ACCSL: variants seen among roughly 807,000 people sequenced by gnomAD.
ACCSL encodes the protein probable inactive 1-aminocyclopropane-1-carboxylate synthase-like protein 2.
Under a neutral mutation model 61.7 loss-of-function variants are expected in ACCSL, and 55 were observed. The ratio of observed to expected loss-of-function variants is 0.89; its 90% CI spans 0.72 to 1.12. The LOEUF (loss-of-function observed/expected upper bound fraction) is 1.12. Ranked by LOEUF, ACCSL falls within the 50% of genes most tolerant of loss-of-function variation. The pLI, the probability that ACCSL is intolerant of heterozygous loss-of-function variation, is 0.00. For missense variants in ACCSL, 632 were observed against 698.0 expected, an observed-to-expected ratio of 0.91 and a Z score of 1.07; for synonymous variants, 258 against 264.3, an observed-to-expected ratio of 0.98 and a Z score of 0.23.
the ACCSL span, chr11:43,943,278 C>T: frequency 1.3e-6 from 2 of 1,483,178 alleles, no homozygotes; most frequent in Admixed American, 2.6e-5. This position sits in a 1 kb window ranked among gnomAD's most constrained non-coding sequence, Gnocchi z 4.8. Context: ...CTGTAAGGGG[C>T]GCCGCCCGCG....
the ACCSL span, among the ~76,000 whole-genome samples, chr11:43,958,197 C>G: frequency 3.3e-5 from 5 of 152,190 alleles, no homozygotes; most frequent in Non-Finnish European, 4.4e-5. Flanking sequence ...TTCAGGAGGT[C>G]ATAAGATTTG....
chr11:44,049,632 C>T (rs915232689), intron 1 of ACCSL, among the ~76,000 whole-genome samples: 4 of 151,994 alleles, frequency 2.6e-5, no homozygotes, highest in African/African-American at 9.7e-5. Context: ...AGGTAGGTGC[C>T]AGATGGGGCC....
At chr11:43,932,876 A>AC in the ACCSL span, among the ~76,000 whole-genome samples, 1 of 152,034 alleles carries the variant, frequency 6.6e-6, no homozygotes, top group East Asian at 1.9e-4. Flanking sequence ...CTCAATAGCC[A>AC]CCCCCTTTGT....
chr11:43,943,035 G>T, the ACCSL span: 1 of 1,500,186 alleles, frequency 6.7e-7, no homozygotes, highest in African/African-American at 1.4e-5. The surrounding 1 kb of genome is among the most constrained non-coding windows in gnomAD (Gnocchi z 4.8). Context: ...GGCCGGGGCC[G>T]GCTGCGGCGG....
At chr11:44,022,613 T>C in the ACCSL span, among the ~76,000 whole-genome samples, 1 of 152,194 alleles carries the variant, frequency 6.6e-6, no homozygotes, top group Admixed American at 6.5e-5. Flanking sequence ...TATTTCCTTT[T>C]CTTGTCTGAT....
the ACCSL span, among the ~76,000 whole-genome samples, chr11:43,926,758 G>A: frequency 4.6e-5 from 7 of 152,348 alleles, no homozygotes; most frequent in African/African-American, 1.4e-4. Flanking sequence ...TGGTGTGTGT[G>A]TGTTTGTGTA....
chr11:43,949,076 G>T, the ACCSL span, among the ~76,000 whole-genome samples: 1 of 152,182 alleles, frequency 6.6e-6, no homozygotes, highest in Non-Finnish European at 1.5e-5. Context: ...TTTGCATAGT[G>T]GCCTGCAGGC....
At chr11:43,935,473 T>A in the ACCSL span, among the ~76,000 whole-genome samples, 1 of 152,162 alleles carries the variant, frequency 6.6e-6, no homozygotes, top group African/African-American at 2.4e-5. Context: ...CAGCACTTAG[T>A]GTAGCCCTGA....
the ACCSL span, among the ~76,000 whole-genome samples, chr11:43,979,846 CAAAAAAA>C: frequency 5.9e-5 from 3 of 50,852 alleles, no homozygotes; most frequent in South Asian, 1.4e-3. Context: ...GACTCTGTCT[CAAAAAAA>C]AAAAAAAAAA....
At chr11:43,934,972 C>T in the ACCSL span, among the ~76,000 whole-genome samples, 10 of 152,192 alleles carry the variant, frequency 6.6e-5, no homozygotes, top group East Asian at 1.7e-3. Flanking sequence ...TGCACAAGGC[C>T]CTCCCCTCTC....
At chr11:44,033,714 T>C in the ACCSL span, among the ~76,000 whole-genome samples, 1 of 152,028 alleles carries the variant, frequency 6.6e-6, no homozygotes, top group Non-Finnish European at 1.5e-5. Flanking sequence ...GAGAAATGGG[T>C]CACTGGAACA....
At position 44,050,599 on chromosome 11, in the gene ACCSL, C is replaced by A. The variant is rs773702479; in HGVS notation, c.612C>A (p.Tyr204Ter). Reference protein sequence around the residue: ...MNCIEDTLLQYPDWRGQPFLR... With the variant: ...MNCIEDTLLQ ...GCATTGAGGACACCTTGCTTCAGTA[C>A]CCTGATTGGAGAGGGCAGCCATTGT... Residue 204 changes from tyrosine (Y) to a stop codon, truncating the protein, a stop_gained, in exon 3 of 14, where the codon TAC becomes TAA. Transcript: ENST00000378832. LOFTEE classifies it high-confidence loss of function. 1 of 1,614,072 alleles carries A rather than the reference C, an allele frequency of 6.2e-7. No individual in the cohort carries two copies. Among genetic ancestry groups the A allele is most frequent in the Non-Finnish European group, 8.5e-7 (1 of 1,180,002 alleles).
At chr11:44,053,655 A>C in intron 8 of ACCSL, 149 bp downstream of exon 8, 1 of 676,366 alleles carries the variant, frequency 1.5e-6, no homozygotes, top group Non-Finnish European at 2.5e-6. Context: ...TGAGGTCAGG[A>C]GTTCGAGACC....
the ACCSL span, among the ~76,000 whole-genome samples, chr11:43,956,829 G>A: frequency 6.6e-6 from 1 of 152,134 alleles, no homozygotes; most frequent in Non-Finnish European, 1.5e-5. Context: ...TGGGAAAAAT[G>A]CGAGTCACAG....
At chr11:44,020,057 A>G in the ACCSL span, among the ~76,000 whole-genome samples, 10 of 152,346 alleles carry the variant, frequency 6.6e-5, no homozygotes, top group South Asian at 1.9e-3. Flanking sequence ...AAATCAATTG[A>G]CCATAAATGT....
At chr11:43,940,388 C>A in the ACCSL span, among the ~76,000 whole-genome samples, 2 of 149,960 alleles carry the variant, frequency 1.3e-5, no homozygotes, top group Admixed American at 6.7e-5. Flanking sequence ...CGGAGTCTTG[C>A]TCCATTGCCC....
chr11:44,000,566 CAAAT>C, the ACCSL span, among the ~76,000 whole-genome samples: 34,940 of 109,430 alleles, frequency 0.32, 4,498 homozygotes, highest in East Asian at 0.4. Flanking sequence ...GTAAAACAAA[CAAAT>C]AAATAAATAA....
In ACCSL at chr11:44,048,305, T is replaced by C. The variant is rs1590427539; in HGVS notation, c.269T>C (p.Leu90Pro). 4 of 1,614,080 alleles carry C rather than the reference T, an allele frequency of 2.5e-6. No individual in the cohort carries two copies. The highest frequency in any genetic ancestry group is 1.1e-5 in the South Asian group (1 of 91,076). Residue 90 changes from leucine to proline, a missense_variant, in exon 1 of 14, where the codon CTG (leucine) becomes CCG (proline). Leu to Pro is a moderately conservative substitution (Grantham distance 98). Transcript: ENST00000378832. ...NLLQSGAASG[L>P]ELQVPLPSED... ...CTACAGTCTGGGGCCGCGAGTGGCCTGGAGCTCCAAGTGCCTCTTCCTTCT... is the reference window on the plus strand; with the variant it reads ...CTACAGTCTGGGGCCGCGAGTGGCCCGGAGCTCCAAGTGCCTCTTCCTTCT...
the ACCSL span, among the ~76,000 whole-genome samples, chr11:43,996,498 G>A: frequency 6.6e-6 from 1 of 152,150 alleles, no homozygotes; most frequent in Non-Finnish European, 1.5e-5. Context: ...AGAAGATGGA[G>A]TTTATAGGTC....
Sources: allele counts gnomAD v4.1 joint callset (sites outside exome capture counted in the v4.1 genomes callset), GRCh38; gene constraint gnomAD v4.1.1; non-coding constraint Gnocchi (gnomAD v3.1); transcripts MANE v1.5; gene names NCBI Gene and HGNC (gene_info 2026-07-23, HGNC 2026-07-21).